The following DGKI variants were observed in gnomAD, a reference collection of about 807,000 sequenced individuals.
DGKI encodes diacylglycerol kinase iota, also known as DAG kinase iota.
A neutral mutation model predicts 147.5 loss-of-function variants in DGKI; 55 were observed. That is an observed-to-expected ratio of 0.37 (90% CI 0.30 to 0.47). DGKI has a LOEUF of 0.47. Among genes scored for constraint, DGKI ranks in the 20% least tolerant of loss-of-function variants. The probability of loss-of-function intolerance (pLI) is 1.00; values close to 1 mark genes in which losing one functional copy is unlikely to be tolerated. For synonymous variants in DGKI, 469 were observed against 477.1 expected (o/e 0.98, Z 0.22); for missense variants, 1,007 against 1,323.8 (o/e 0.76, Z 3.71).
At chr7:137,638,636 ATATATG>A in intron 6 of DGKI, among the ~76,000 whole-genome samples, 1 of 7,812 alleles carries the variant, frequency 1.3e-4, no homozygotes, top group Admixed American at 1.3e-3. Context: ...ATATGTGTGT[ATATATG>A]TGTATGTATA....
At chr7:137,842,721 C>T (rs1320197507) in intron 1 of DGKI, among the ~76,000 whole-genome samples, 1 of 151,946 alleles carries the variant, frequency 6.6e-6, no homozygotes, top group African/African-American at 2.4e-5. Context: ...TGGTTTTGTT[C>T]TCAGAAGCAA....
intron 3 of DGKI, 59 bp downstream of exon 3, chr7:137,678,498 A>C: frequency 2.0e-4 from 252 of 1,291,668 alleles, no homozygotes; most frequent in Non-Finnish European, 2.6e-4. Context: ...AGGCAAGGTG[A>C]CCCCTCTATT....
chr7:137,461,319 C>A (rs1423004230), intron 27 of DGKI, among the ~76,000 whole-genome samples: 1 of 152,082 alleles, frequency 6.6e-6, no homozygotes, highest in African/African-American at 2.4e-5. Flanking sequence ...TAAGCAACAG[C>A]TAAATTTAAA....
At chr7:137,428,271 C>G (rs1812906457) in intron 28 of DGKI, among the ~76,000 whole-genome samples, 1 of 152,128 alleles carries the variant, frequency 6.6e-6, no homozygotes, top group East Asian at 1.9e-4. Context: ...AAGTGGAATC[C>G]AGCATATAAA....
chr7:137,631,735 A>C (rs1309966132), intron 6 of DGKI, among the ~76,000 whole-genome samples: 1 of 152,160 alleles, frequency 6.6e-6, no homozygotes, highest in Non-Finnish European at 1.5e-5. Flanking sequence ...ATTTGAACAA[A>C]AAAAAAATGA....
intron 1 of DGKI, among the ~76,000 whole-genome samples, chr7:137,779,252 A>T (rs1368474987): frequency 6.6e-6 from 1 of 151,754 alleles, no homozygotes; most frequent in Non-Finnish European, 1.5e-5. Flanking sequence ...TAATTTCAAC[A>T]AATTATGCTG....
rs80010612 is a variant in DGKI, at chr7:137,817,055, C to T, written c.401+29407G>A. Among the ~76,000 whole-genome samples the T allele has an allele frequency of 5.1e-4, 78 of 152,264 alleles. 1 individual carries two copies. In the East Asian group the frequency reaches 0.014, roughly 27 times the overall value. ...AAGTGATAAACACTGTTATCATTCT[C>T]GTCTCACTTCTTGACCCAACTGATC... On this transcript the variant is annotated intron_variant, in intron 1 of 32. Coordinates refer to ENST00000614521, the MANE Select transcript of DGKI (RefSeq NM_001321708.2).
At chr7:137,569,937 A>G (rs1177841847) in intron 19 of DGKI, among the ~76,000 whole-genome samples, 1 of 151,860 alleles carries the variant, frequency 6.6e-6, no homozygotes, top group Non-Finnish European at 1.5e-5. Flanking sequence ...CATGACAACT[A>G]TTTTATTCTA....
rs1819487029 is a variant in DGKI at position 137,588,475 on chromosome 7, C to CTGTTTTTTTTTTT, written c.1312-1266_1312-1265insAAAAAAAAAAACA. Among the ~76,000 whole-genome samples, 2 of 116,722 alleles carry CTGTTTTTTTTTTT rather than the reference C, an allele frequency of 1.7e-5. 1 individual carries two copies. Among genetic ancestry groups the CTGTTTTTTTTTTT allele is most frequent in the Admixed American group, 1.7e-4 (2 of 11,624 alleles). 76.6% of individuals were successfully genotyped at this position (116,722 alleles called of 152,430 possible). The stretch of plus-strand genomic sequence containing the variant: ...TAACACAAAGATGGACATACCGATG[C>CTGTTTTTTTTTTT]TTTTTTTTTTTTTTTTTTTGAGATG... On this transcript the variant is annotated intron_variant, in intron 12 of 32. Transcript: ENST00000614521.
chr7:137,586,659 T>A (rs1478462097), intron 13 of DGKI, among the ~76,000 whole-genome samples: 8 of 150,738 alleles, frequency 5.3e-5, no homozygotes, highest in African/African-American at 1.7e-4. Context: ...ATGACACTAA[T>A]CAAAACAAAA....
At chr7:137,844,656 T>G (rs1798657114) in intron 1 of DGKI, among the ~76,000 whole-genome samples, 1 of 152,226 alleles carries the variant, frequency 6.6e-6, no homozygotes, top group African/African-American at 2.4e-5. Flanking sequence ...TGCGTCTGTG[T>G]CCATGTCTAT....
chr7:137,503,506 C>T (rs1325494504), intron 21 of DGKI, among the ~76,000 whole-genome samples: 2 of 152,080 alleles, frequency 1.3e-5, no homozygotes, highest in African/African-American at 2.4e-5. Context: ...AAAGGTGTTT[C>T]CCAAGGATTT....
chr7:137,445,617 T>C (rs1813685014), intron 27 of DGKI, among the ~76,000 whole-genome samples: 1 of 152,202 alleles, frequency 6.6e-6, no homozygotes, highest in South Asian at 2.1e-4. Flanking sequence ...AATTAAAATG[T>C]GTTGAATTGA....
At chr7:137,671,888 C>G (rs1332463908) in intron 3 of DGKI, among the ~76,000 whole-genome samples, 1 of 152,164 alleles carries the variant, frequency 6.6e-6, no homozygotes, top group Non-Finnish European at 1.5e-5. Flanking sequence ...AAGCAAAATA[C>G]AAGAACAAAA....
intron 28 of DGKI, among the ~76,000 whole-genome samples, chr7:137,428,869 A>G (rs1329523920): frequency 6.6e-6 from 1 of 152,284 alleles, no homozygotes; most frequent in East Asian, 1.9e-4. Context: ...CTCTTCAAGG[A>G]GAACTACAAA....
At chr7:137,586,354 G>A (rs1392999286) in intron 13 of DGKI, among the ~76,000 whole-genome samples, 1 of 151,978 alleles carries the variant, frequency 6.6e-6, no homozygotes, top group Non-Finnish European at 1.5e-5. Flanking sequence ...CTTGAACCTG[G>A]GAGGCAGAGG....
At position 137,689,909 on chromosome 7, in the gene DGKI, C is replaced by T. The variant is rs555365359; in HGVS notation, c.495G>A (p.Ala165=). The T allele has an allele frequency of 5.0e-5, 80 of 1,589,680 alleles. No individual in the cohort carries two copies. The highest frequency in any genetic ancestry group is 2.0e-4 in the African/African-American group (15 of 73,438). Reference sequence around the variant, plus strand: ...CAACACCTACACTCCAGTCCAAAGTCGCTCTGGGCTCCTTGGCTGGACCAT... The same window carrying T: ...CAACACCTACACTCCAGTCCAAAGTTGCTCTGGGCTCCTTGGCTGGACCAT... ...VANGPAKEPR[A]TLDWSENAVN... Residue 165 remains alanine, a synonymous_variant, in exon 2 of 33, where the codon GCG becomes GCA. Coordinates refer to ENST00000614521, the MANE Select transcript of DGKI (RefSeq NM_001321708.2).
intron 3 of DGKI, among the ~76,000 whole-genome samples, chr7:137,678,204 A>C (rs1243365587): frequency 6.6e-6 from 1 of 151,958 alleles, no homozygotes; most frequent in Non-Finnish European, 1.5e-5. Flanking sequence ...CCCTTCCTCC[A>C]CACACAGGCC....
chr7:137,668,978 T>G (rs78244317), intron 3 of DGKI, among the ~76,000 whole-genome samples: 7,175 of 152,256 alleles, frequency 0.047, 500 homozygotes, highest in African/African-American at 0.16. Context: ...CTGTTATATA[T>G]GCATTAACTC....
Sources: allele counts gnomAD v4.1 joint callset (sites outside exome capture counted in the v4.1 genomes callset), GRCh38; gene constraint gnomAD v4.1.1; transcripts MANE v1.5; gene names NCBI Gene and HGNC (gene_info 2026-07-23, HGNC 2026-07-21).